Variants in MACROD2 observed in about 807,000 individuals in gnomAD.
The protein encoded by MACROD2 is mono-ADP ribosylhydrolase 2, also known as ADP-ribose glycohydrolase MACROD2.
MACROD2 carries 36 observed loss-of-function variants against 70.4 expected under a neutral mutation model. That is an observed-to-expected ratio of 0.51 (90% confidence interval 0.39 to 0.68). The LOEUF (loss-of-function observed/expected upper bound fraction) is 0.68. Among genes scored for constraint, MACROD2 ranks in the 30% least tolerant of loss-of-function variants. The pLI, the probability that MACROD2 is intolerant of heterozygous loss-of-function variation, is 0.00. For missense variants in MACROD2, 496 were observed against 538.4 expected, an observed-to-expected ratio of 0.92 and a Z score of 0.78; for synonymous variants, 172 against 178.8, an observed-to-expected ratio of 0.96 and a Z score of 0.30.
chr20:14,914,425 T>C (rs1051995601), intron 5 of MACROD2, among the ~76,000 whole-genome samples: 3 of 152,170 alleles, frequency 2.0e-5, no homozygotes, highest in African/African-American at 7.2e-5. Flanking sequence ...CTCTAGATCA[T>C]AGTGGCCAAA....
In MACROD2 at chr20:14,337,205, G is replaced by T. The variant is rs190306915; in HGVS notation, c.272-156274G>T. ...TACTATCTTTTATAAATGAAAGAAG[G>T]TTCTAAGAAACTTCTTACATTCAGC... On this transcript the variant is annotated intron_variant, in intron 3 of 17. Coordinates refer to ENST00000684519, the MANE Select transcript of MACROD2 (RefSeq NM_001351661.2). Among the ~76,000 whole-genome samples, 68 of 152,242 alleles carry T rather than the reference G, an allele frequency of 4.5e-4. 1 individual carries two copies. In the East Asian group the frequency reaches 9.1e-3, roughly 20 times the overall value.
At chr20:15,194,100 G>A (rs1411506101) in intron 5 of MACROD2, among the ~76,000 whole-genome samples, 1 of 151,784 alleles carries the variant, frequency 6.6e-6, no homozygotes, top group Non-Finnish European at 1.5e-5. Context: ...ACAAAAATTA[G>A]CCAGGCATGA....
intron 5 of MACROD2, among the ~76,000 whole-genome samples, chr20:14,929,900 G>T (rs1050314618): frequency 2.6e-5 from 4 of 152,076 alleles, no homozygotes; most frequent in African/African-American, 9.7e-5. Flanking sequence ...GGTATCTCAC[G>T]CCTGTAATCC....
At chr20:14,073,529 C>G (rs1477772399) in intron 2 of MACROD2, among the ~76,000 whole-genome samples, 1 of 151,938 alleles carries the variant, frequency 6.6e-6, no homozygotes. Context: ...CAGTTGTATT[C>G]CAGGGAATAT....
chr20:14,172,965 A>G (rs1240433982), intron 3 of MACROD2, among the ~76,000 whole-genome samples: 1 of 152,216 alleles, frequency 6.6e-6, no homozygotes, highest in African/African-American at 2.4e-5. Flanking sequence ...GACTAAAGAT[A>G]GGACCCCAAT....
At chr20:14,785,552 C>T (rs1432868710) in intron 5 of MACROD2, among the ~76,000 whole-genome samples, 2 of 152,026 alleles carry the variant, frequency 1.3e-5, no homozygotes, top group African/African-American at 4.8e-5. Flanking sequence ...CTCTTTCAAT[C>T]TATTTCATAG....
At chr20:15,971,167 T>C (rs2066224800) in intron 13 of MACROD2, among the ~76,000 whole-genome samples, 2 of 152,238 alleles carry the variant, frequency 1.3e-5, no homozygotes, top group Admixed American at 6.5e-5. Flanking sequence ...AAAAGGATCA[T>C]GTTTCTCTTC....
At chr20:15,441,151 T>G (rs1021594110) in intron 7 of MACROD2, among the ~76,000 whole-genome samples, 2 of 152,114 alleles carry the variant, frequency 1.3e-5, no homozygotes, top group Non-Finnish European at 2.9e-5. Flanking sequence ...TAACCCTGAG[T>G]GCTTATCATT....
chr20:14,647,369 G>T (rs986033678), intron 4 of MACROD2, among the ~76,000 whole-genome samples: 5 of 152,104 alleles, frequency 3.3e-5, no homozygotes, highest in Non-Finnish European at 7.4e-5. Flanking sequence ...AATCTCAGAT[G>T]ATTGTTTTTG....
chr20:15,465,153 C>T (rs916115170), intron 7 of MACROD2, among the ~76,000 whole-genome samples: 4 of 152,108 alleles, frequency 2.6e-5, no homozygotes, highest in African/African-American at 9.7e-5. Flanking sequence ...AGATTTGCCA[C>T]ATTTATATGT....
intron 2 of MACROD2, among the ~76,000 whole-genome samples, chr20:14,067,611 G>A (rs1027088767): frequency 2.0e-5 from 3 of 152,170 alleles, no homozygotes; most frequent in Non-Finnish European, 2.9e-5. Context: ...GAGTCATACT[G>A]TGTATTCATA....
intron 8 of MACROD2, among the ~76,000 whole-genome samples, chr20:15,548,415 G>T (rs1166286540): frequency 1.3e-5 from 2 of 151,982 alleles, no homozygotes; most frequent in Non-Finnish European, 2.9e-5. Flanking sequence ...TGTTTTTTGA[G>T]ATGGAATCTC....
intron 2 of MACROD2, chr20:14,053,724 A>G (rs183421214): frequency 6.6e-6 from 1 of 152,198 alleles, no homozygotes; most frequent in East Asian, 1.9e-4. Context: ...CAATTTTCTC[A>G]ATTTTGTTTC....
intron 15 of MACROD2, among the ~76,000 whole-genome samples, chr20:16,001,964 T>G (rs1034407772): frequency 6.6e-6 from 1 of 151,908 alleles, no homozygotes; most frequent in African/African-American, 2.4e-5. Context: ...AATGAGAAAC[T>G]AAAACTTGCG....
chr20:15,578,471 C>T (rs2048478371), intron 8 of MACROD2, among the ~76,000 whole-genome samples: 1 of 133,756 alleles, frequency 7.5e-6, no homozygotes, highest in South Asian at 2.4e-4. Context: ...AGTTATGGGG[C>T]CTTGCATAGT....
chr20:14,457,838 G>A (rs1237658177), intron 3 of MACROD2, among the ~76,000 whole-genome samples: 2 of 152,102 alleles, frequency 1.3e-5, no homozygotes, highest in Admixed American at 6.5e-5. Context: ...CTGGGATCAT[G>A]CCTGTAATCC....
At chr20:15,445,672 A>G (rs991299167) in intron 7 of MACROD2, among the ~76,000 whole-genome samples, 1 of 152,156 alleles carries the variant, frequency 6.6e-6, no homozygotes, top group Admixed American at 6.5e-5. Flanking sequence ...CGTTGGCCCA[A>G]AATACCCGGA....
At chr20:15,882,375 TA>T (rs1376641445) in intron 9 of MACROD2, among the ~76,000 whole-genome samples, 1 of 152,122 alleles carries the variant, frequency 6.6e-6, no homozygotes, top group Non-Finnish European at 1.5e-5. Context: ...AATTAACTTG[TA>T]AATTATTCTC....
chr20:14,423,469 G>T (rs1314675539), intron 3 of MACROD2, among the ~76,000 whole-genome samples: 1 of 151,648 alleles, frequency 6.6e-6, no homozygotes, highest in Non-Finnish European at 1.5e-5. Context: ...GGAGGCCGAG[G>T]GGGGCGGATC....
Sources: allele counts gnomAD v4.1 joint callset (sites outside exome capture counted in the v4.1 genomes callset), GRCh38; gene constraint gnomAD v4.1.1; transcripts MANE v1.5; gene names NCBI Gene and HGNC (gene_info 2026-07-23, HGNC 2026-07-21).